The following KYNU variants were observed in gnomAD, a reference collection of about 807,000 sequenced individuals.
KYNU encodes kynureninase.
KYNU carries 54 observed loss-of-function variants against 59.2 expected under a neutral mutation model. The observed-to-expected ratio is 0.91, with a 90% confidence interval of 0.73 to 1.14. KYNU has a LOEUF of 1.14. KYNU is among the 50% of genes most tolerant of loss of function. The pLI is 0.00. For missense variants in KYNU, 567 were observed against 554.4 expected (o/e 1.02, Z -0.23); for synonymous variants, 177 against 192.0 (o/e 0.92, Z 0.65).
At chr2:143,034,291 A>T (rs1686833619) in intron 12 of KYNU, among the ~76,000 whole-genome samples, 1 of 152,138 alleles carries the variant, frequency 6.6e-6, no homozygotes, top group Admixed American at 6.5e-5. Flanking sequence ...CAAGGATTTG[A>T]AATTTTTTCA....
At chr2:142,928,781 G>T (rs1329878419) in intron 4 of KYNU, among the ~76,000 whole-genome samples, 1 of 151,984 alleles carries the variant, frequency 6.6e-6, no homozygotes, top group Non-Finnish European at 1.5e-5. Flanking sequence ...TCTGAGGTGG[G>T]TGGATTGCTT....
chr2:142,898,755 T>C (rs1404363121), intron 2 of KYNU, among the ~76,000 whole-genome samples: 1 of 152,184 alleles, frequency 6.6e-6, no homozygotes, highest in Non-Finnish European at 1.5e-5. Context: ...AGCCTTTTGT[T>C]CTCTGACCTT....
chr2:143,053,434 G>A lies in KYNU; in HGVS notation c.*11262G>A, dbSNP rs531985589. ...GGTGACTGTTGCGAAGACATGATTG[G>A]TTTTGAAATGTGAGAACATTTAAGA... On this transcript the variant is annotated 3_prime_UTR_variant, in exon 14 of 14. Coordinates refer to ENST00000264170, the MANE Select transcript of KYNU (RefSeq NM_003937.3). The A allele has an allele frequency of 1.2e-4, 18 of 152,306 alleles. No individual in the cohort carries two copies. Among genetic ancestry groups the A allele is most frequent in the African/African-American group, 4.3e-4 (18 of 41,574 alleles). The allele number at this position is 152,306 out of a possible 1,614,324, so 9.4% of individuals were successfully genotyped here. A position where few individuals can be genotyped will look rare whatever the true frequency, so the allele number is the denominator to read the frequency against.
intron 12 of KYNU, among the ~76,000 whole-genome samples, chr2:143,034,419 A>G (rs867590972): frequency 7.9e-5 from 12 of 152,172 alleles, no homozygotes; most frequent in South Asian, 2.1e-4. Context: ...AAATTGCATA[A>G]TTCTGTGAAC....
In KYNU at chr2:142,907,528, C is replaced by T. The variant is rs1251902482; in HGVS notation, c.170-11081C>T. ...GCAAATAGCAGTTGTGGATGGTGAG[C>T]GAAAGCTCAGCTCAAGCCGTAACAA... On this transcript the variant is annotated intron_variant, in intron 2 of 13. Coordinates refer to ENST00000264170, the MANE Select transcript of KYNU (RefSeq NM_003937.3). Among the ~76,000 whole-genome samples the T allele has an allele frequency of 6.6e-5, 10 of 151,890 alleles. 1 individual carries two copies. The East Asian group carries it at 1.9e-3, about 29-fold the overall frequency.
Position 143,033,328 on chromosome 2 carries a change from G to T in KYNU, c.1041+7G>T. On this transcript the variant is annotated splice_region_variant and intron_variant, in intron 12 of 13. Transcript: ENST00000264170. ...CTTGCATGCTAGTTTAGAGGTAAGTGATGTGTGTTTCAACCTTCCCACATC... is the reference window on the plus strand; with the variant it reads ...CTTGCATGCTAGTTTAGAGGTAAGTTATGTGTGTTTCAACCTTCCCACATC... 6.2e-7 allele frequency: 1 copy of T among 1,603,718 alleles called. No individual in the cohort carries two copies. The highest frequency in any genetic ancestry group is 8.5e-7 in the Non-Finnish European group (1 of 1,170,492).
intron 4 of KYNU, among the ~76,000 whole-genome samples, chr2:142,941,664 A>G (rs1278453910): frequency 2.0e-5 from 3 of 152,208 alleles, no homozygotes; most frequent in Non-Finnish European, 4.4e-5. Context: ...TTAGAGCCAC[A>G]GGAATTTAAG....
At chr2:142,959,968 C>T (rs764566450) in intron 7 of KYNU, among the ~76,000 whole-genome samples, 13 of 152,022 alleles carry the variant, frequency 8.6e-5, no homozygotes, top group Non-Finnish European at 1.8e-4. Flanking sequence ...GCTCTGTCAC[C>T]CAGGCTGGAG....
chr2:142,893,223 C>G (rs77778864), intron 2 of KYNU, among the ~76,000 whole-genome samples: 3,935 of 152,260 alleles, frequency 0.026, 158 homozygotes, highest in African/African-American at 0.09. Context: ...ATCTTGGCAT[C>G]ATACCTAAGT....
Position 142,948,551 on chromosome 2 carries a change from T to C in KYNU, c.374-6259T>C, listed in dbSNP as rs544773074. The stretch of plus-strand genomic sequence containing the variant: ...AAGGTAAGGAGGAGAGAGTCACATC[T>C]TATGTGGATGGCGACAGGCAAAGAG... On this transcript the variant is annotated intron_variant, in intron 4 of 13. Coordinates refer to ENST00000264170, the MANE Select transcript of KYNU (RefSeq NM_003937.3). Among the ~76,000 whole-genome samples the C allele has an allele frequency of 3.3e-5, 5 of 152,314 alleles. No individual in the cohort carries two copies. In the East Asian group the frequency reaches 9.6e-4, roughly 29 times the overall value.
intron 10 of KYNU, among the ~76,000 whole-genome samples, chr2:143,022,693 C>A (rs992407615): frequency 6.6e-6 from 1 of 151,910 alleles, no homozygotes; most frequent in African/African-American, 2.4e-5. Flanking sequence ...CTATTAAAAT[C>A]TATTAGTTTC....
chr2:143,040,405 T>A, intron 12 of KYNU, 23 bp from the exon 13 acceptor site: 1 of 1,561,490 alleles, frequency 6.4e-7, no homozygotes, highest in Non-Finnish European at 8.8e-7. Flanking sequence ...GACACTTTAA[T>A]CTGATTGTTT....
At chr2:142,910,129 GC>G (rs1316526071) in intron 2 of KYNU, among the ~76,000 whole-genome samples, 1 of 81,656 alleles carries the variant, frequency 1.2e-5, no homozygotes, top group Non-Finnish European at 2.3e-5. Context: ...CATGTTCTTT[GC>G]CTTTTTTTTT....
chr2:142,956,978 A>ATAGG (rs1684185835), intron 6 of KYNU, among the ~76,000 whole-genome samples: 1 of 152,118 alleles, frequency 6.6e-6, no homozygotes, highest in South Asian at 2.1e-4. Context: ...CCTCGTCTCT[A>ATAGG]TAAAGTAAAT....
At chr2:143,007,941 C>T (rs1218491816) in intron 10 of KYNU, among the ~76,000 whole-genome samples, 7 of 116,368 alleles carry the variant, frequency 6.0e-5, no homozygotes, top group Non-Finnish European at 8.6e-5. Context: ...CGGTACCAGC[C>T]GCTGCAAAAT....
intron 10 of KYNU, among the ~76,000 whole-genome samples, chr2:143,007,712 G>A (rs2105196510): frequency 1.6e-5 from 2 of 121,948 alleles, no homozygotes; most frequent in South Asian, 5.7e-4. Context: ...GGATCTCTCG[G>A]CAGAAACCCT....
intron 10 of KYNU, 152 bp from the exon 11 acceptor site, chr2:143,029,475 A>G: frequency 1.5e-6 from 1 of 647,288 alleles, no homozygotes; most frequent in South Asian, 1.6e-5. Context: ...AGTCTCAGCT[A>G]CTTGAGAGGC....
At chr2:142,935,607 G>A (rs1683364691) in intron 4 of KYNU, among the ~76,000 whole-genome samples, 1 of 152,096 alleles carries the variant, frequency 6.6e-6, no homozygotes. Context: ...TATAAGAGGT[G>A]GGGTCTTCTG....
At chr2:142,907,429 G>A (rs1682337374) in intron 2 of KYNU, among the ~76,000 whole-genome samples, 1 of 152,206 alleles carries the variant, frequency 6.6e-6, no homozygotes, top group Admixed American at 6.5e-5. Context: ...AGTGGAAATG[G>A]GTGCCTTGCT....
Sources: allele counts gnomAD v4.1 joint callset (sites outside exome capture counted in the v4.1 genomes callset), GRCh38; gene constraint gnomAD v4.1.1; transcripts MANE v1.5; gene names NCBI Gene and HGNC (gene_info 2026-07-23, HGNC 2026-07-21).